Variants in PCDHGB3 observed in about 807,000 individuals in gnomAD.
PCDHGB3 encodes protocadherin gamma-B3.
In PCDHGB3, 40 loss-of-function variants were observed where a neutral mutation model predicts 59.2. The ratio of observed to expected loss-of-function variants is 0.68; its 90% CI spans 0.52 to 0.88. PCDHGB3 has a LOEUF of 0.88. Ranked by LOEUF, PCDHGB3 falls within the 40% of genes least tolerant of loss-of-function variation. The probability of loss-of-function intolerance (pLI) is 0.00; values close to 1 mark genes in which losing one functional copy is unlikely to be tolerated. For synonymous variants in PCDHGB3, 581 were observed against 503.6 expected (o/e 1.15, Z -2.06); for missense variants, 1,309 against 1,187.9 (o/e 1.10, Z -1.50).
intron 2 of PCDHGB3, among the ~76,000 whole-genome samples, chr5:141,496,419 C>T (rs1292183963): frequency 6.6e-6 from 1 of 152,174 alleles, no homozygotes; most frequent in Non-Finnish European, 1.5e-5. Flanking sequence ...TACTTGCTGT[C>T]CACATTTGCC....
chr5:141,428,381 C>T, intron 1 of PCDHGB3: 1 of 516,406 alleles, frequency 1.9e-6, no homozygotes, highest in Non-Finnish European at 3.6e-6. Context: ...CTGCGATGCT[C>T]TTCCAGCCCC....
At chr5:141,423,257 G>A in intron 1 of PCDHGB3, 2 of 1,613,946 alleles carry the variant, frequency 1.2e-6, no homozygotes, top group Non-Finnish European at 1.7e-6. Context: ...GCGGACCTCG[G>A]CAGCCTCGAG....
At chr5:141,400,776 G>GT (rs1167512157) in intron 1 of PCDHGB3, 4 of 557,602 alleles carry the variant, frequency 7.2e-6, no homozygotes, top group Non-Finnish European at 1.3e-5. Flanking sequence ...CATTTGGTGC[G>GT]TTTTTTTGTC....
Position 141,383,159 on chromosome 5 carries a change from CG to C in PCDHGB3, c.2415+10353del, listed in dbSNP as rs546342817. ...CAGCGCAGCGGCAGCTTGGTCACTG[CG>C]GGCAGGATAGACCGGGAAGAGATCT... On this transcript the variant is annotated intron_variant, in intron 1 of 3. Transcript: ENST00000576222. 2.4e-4 allele frequency: 391 copies of C among 1,614,104 alleles called. 5 individuals are homozygous for C. In the South Asian group the frequency reaches 3.9e-3, roughly 16 times the overall value.
chr5:141,454,693 A>G (rs951819293), intron 1 of PCDHGB3, among the ~76,000 whole-genome samples: 1 of 151,738 alleles, frequency 6.6e-6, no homozygotes, highest in Non-Finnish European at 1.5e-5. Context: ...GGCATGAGCC[A>G]CCATGCTCCA....
chr5:141,505,402 T>G lies in PCDHGB3; in HGVS notation c.2484T>G (p.Asn828Lys), dbSNP rs1216666169. 1.9e-6 allele frequency: 3 copies of G among 1,614,014 alleles called. No homozygotes were observed. Among genetic ancestry groups the G allele is most frequent in the Non-Finnish European group, 2.5e-6 (3 of 1,180,034 alleles). Residue 828 changes from asparagine (N) to lysine (K), a missense_variant, in exon 3 of 4, where the codon AAT (asparagine) becomes AAG (lysine). Coordinates refer to ENST00000576222, the MANE Select transcript of PCDHGB3 (RefSeq NM_018924.5). The part of the protein sequence containing the change: ...AQRPGTSGSQ[N>K]GDDTGTWPNN... ...CCTACTCTCTCCCCAGCTCCCAAAA[T>G]GGCGATGACACCGGCACCTGGCCCA...
intron 1 of PCDHGB3, among the ~76,000 whole-genome samples, chr5:141,457,938 G>A (rs915640623): frequency 6.6e-6 from 1 of 152,160 alleles, no homozygotes; most frequent in African/African-American, 2.4e-5. Flanking sequence ...GCTTTTATTG[G>A]CTCTGCATGT....
chr5:141,446,256 T>C lies in PCDHGB3; in HGVS notation c.2416-48551T>C, dbSNP rs535879308. On this transcript the variant is annotated intron_variant, in intron 1 of 3. Transcript: ENST00000576222. Reference sequence around the variant, plus strand: ...CAAGTGGTAGATCTTCAGTGAAATATTATTAACTGAATAAATACAATGGAT... The same window carrying C: ...CAAGTGGTAGATCTTCAGTGAAATACTATTAACTGAATAAATACAATGGAT... Among the ~76,000 whole-genome samples the C allele has an allele frequency of 2.0e-5, 3 of 152,310 alleles. No homozygotes were observed. The East Asian group carries it at 5.8e-4, about 29-fold the overall frequency.
At position 141,491,187 on chromosome 5, in the gene PCDHGB3, G is replaced by A. The variant is rs2099709293; in HGVS notation, c.2416-3620G>A. ...CCCAGCAGGTGGTGGTCCTGGTGAG[G>A]GACAATGGTGACCCTTCACTCTCCT... On this transcript the variant is annotated intron_variant, in intron 1 of 3. Coordinates refer to ENST00000576222, the MANE Select transcript of PCDHGB3 (RefSeq NM_018924.5). The surrounding 1 kb of genome is among the most constrained non-coding windows in gnomAD (Gnocchi z 6.9). The A allele has an allele frequency of 6.2e-7, 1 of 1,614,064 alleles. No homozygotes were observed. The highest frequency in any genetic ancestry group is 1.1e-5 in the South Asian group (1 of 91,080).
chr5:141,481,880 C>CTCCA (rs1483509373), intron 1 of PCDHGB3, among the ~76,000 whole-genome samples: 1 of 145,300 alleles, frequency 6.9e-6, no homozygotes, highest in Non-Finnish European at 1.5e-5. Context: ...CGCCACTGCA[C>CTCCA]TCCAGCCTGG....
At chr5:141,376,974 A>T (rs1055212132) in intron 1 of PCDHGB3, 1 of 158,030 alleles carries the variant, frequency 6.3e-6, no homozygotes, top group Non-Finnish European at 1.4e-5. Context: ...GGCGTGAGCC[A>T]CCGCGCCCGG....
At position 141,487,339 on chromosome 5, in the gene PCDHGB3, A is replaced by T; in HGVS notation, c.2416-7468A>T. On this transcript the variant is annotated intron_variant, in intron 1 of 3. Coordinates refer to ENST00000576222, the MANE Select transcript of PCDHGB3 (RefSeq NM_018924.5). The surrounding 1 kb of genome is among the most constrained non-coding windows in gnomAD (Gnocchi z 5.0). ...AGTGTCTTCGTGGGGCAGCCTGTGG[A>T]GTCACATGCTTTCCTGCTGGCACCT... The T allele has an allele frequency of 1.9e-6, 3 of 1,614,096 alleles. No individual in the cohort carries two copies. Among genetic ancestry groups the T allele is most frequent in the Non-Finnish European group, 2.5e-6 (3 of 1,180,000 alleles).
chr5:141,491,496 C>T lies in PCDHGB3; in HGVS notation c.2416-3311C>T, dbSNP rs372523924. ...AGTCCAGCCCCAACCTGCAGGTGAG[C>T]TCGGACGGCACGCTCAAGTACATGG... On this transcript the variant is annotated intron_variant, in intron 1 of 3. Transcript: ENST00000576222. This position sits in a 1 kb window ranked among gnomAD's most constrained non-coding sequence, Gnocchi z 6.9. 2.9e-5 allele frequency: 47 copies of T among 1,614,004 alleles called. No individual in the cohort carries two copies. Among genetic ancestry groups the T allele is most frequent in the Non-Finnish European group, 3.7e-5 (44 of 1,180,026 alleles).
intron 1 of PCDHGB3, chr5:141,427,757 C>A: frequency 7.5e-7 from 1 of 1,340,702 alleles, no homozygotes; most frequent in Non-Finnish European, 1.1e-6. Flanking sequence ...CCATCGTTAC[C>A]ACTGACTTGG....
chr5:141,430,761 T>G, intron 1 of PCDHGB3: 5 of 1,506,132 alleles, frequency 3.3e-6, no homozygotes, highest in Non-Finnish European at 3.5e-6. Context: ...AAGATAAGAA[T>G]GATTCCTGCG....
rs139867523 is a variant in PCDHGB3, at chr5:141,474,274, G to A, written c.2416-20533G>A. 1.2e-4 allele frequency among the ~76,000 whole-genome samples: 19 copies of A among 152,278 alleles called. No homozygotes were observed. In the East Asian group the frequency reaches 3.3e-3, roughly 26 times the overall value. On this transcript the variant is annotated intron_variant, in intron 1 of 3. Coordinates refer to ENST00000576222, the MANE Select transcript of PCDHGB3 (RefSeq NM_018924.5). ...AAGACTGATAAACCAGTGTATCTCT[G>A]AATAACCCACTAGATCAGTGCTTGT...
chr5:141,489,334 C>T lies in PCDHGB3; in HGVS notation c.2416-5473C>T, dbSNP rs768635851. On this transcript the variant is annotated intron_variant, in intron 1 of 3. Transcript: ENST00000576222. This position sits in a 1 kb window ranked among gnomAD's most constrained non-coding sequence, Gnocchi z 4.5. ...CTGGGGCTGGGTGTCTGGGCAGCTTCGTTACTCAGTGGTGGAGGAGTCTGA... is the reference window on the plus strand; with the variant it reads ...CTGGGGCTGGGTGTCTGGGCAGCTTTGTTACTCAGTGGTGGAGGAGTCTGA... The T allele has an allele frequency of 3.7e-6, 6 of 1,606,732 alleles. No individual in the cohort carries two copies. The highest frequency in any genetic ancestry group is 1.1e-5 in the South Asian group (1 of 90,048).
intron 2 of PCDHGB3, among the ~76,000 whole-genome samples, chr5:141,501,166 C>T (rs1443045812): frequency 6.6e-6 from 1 of 152,154 alleles, no homozygotes; most frequent in African/African-American, 2.4e-5. Flanking sequence ...CATCCCCAGC[C>T]TCATTTACAT....
chr5:141,413,019 C>A (rs1056458163), intron 1 of PCDHGB3: 24 of 683,104 alleles, frequency 3.5e-5, no homozygotes, highest in Non-Finnish European at 5.2e-5. Flanking sequence ...ACTACACAAG[C>A]CCCACAAACC....
Sources: gnomAD v4.1 joint callset for allele counts (sites outside exome capture counted in the v4.1 genomes callset) on GRCh38, gnomAD v4.1.1 for gene constraint, Gnocchi (gnomAD v3.1) non-coding constraint, MANE v1.5 for transcripts, NCBI Gene and HGNC (gene_info 2026-07-23, HGNC 2026-07-21) for gene names.